Variants in FKBP5 observed in about 807,000 individuals in gnomAD.
FKBP5 encodes the protein FKBP prolyl isomerase 5.
FKBP5 carries 23 observed loss-of-function variants against 50.5 expected under a neutral mutation model. The observed-to-expected ratio is 0.46, with a 90% CI of 0.33 to 0.65. The LOEUF (loss-of-function observed/expected upper bound fraction) is 0.65, where lower values mean the gene tolerates loss of function less well. FKBP5 is among the 30% of genes least tolerant of loss of function. The probability of loss-of-function intolerance (pLI) is 0.02; values close to 1 mark genes in which losing one functional copy is unlikely to be tolerated. For synonymous variants in FKBP5, 176 were observed against 190.6 expected, an observed-to-expected ratio of 0.92 and a Z score of 0.63; for missense variants, 411 against 553.1, an observed-to-expected ratio of 0.74 and a Z score of 2.58.
rs1762721519 is a variant in FKBP5, at chr6:35,589,110, T to TTATATATATATATATTTTTA, written c.757-1994_757-1993insTAAAAATATATATATATATA. On this transcript the variant is annotated intron_variant, in intron 7 of 10. Coordinates refer to ENST00000357266, the MANE Select transcript of FKBP5 (RefSeq NM_004117.4). ...TATATTTTTATATATATATATATTTTTATATATATATATATATATTTTTTT... is the reference window on the plus strand; with the variant it reads ...TATATTTTTATATATATATATATTTTTATATATATATATATTTTTATATATATATATATATATATTTTTTT... 2.8e-4 allele frequency among the ~76,000 whole-genome samples: 29 copies of TTATATATATATATATTTTTA among 102,952 alleles called. No individual in the cohort carries two copies. In the South Asian group the frequency reaches 3.6e-3, roughly 13 times the overall value. 67.5% of individuals were successfully genotyped at this position (102,952 alleles called of 152,430 possible).
At chr6:35,627,725 A>T (rs979781010) in intron 3 of FKBP5, among the ~76,000 whole-genome samples, 6 of 152,008 alleles carry the variant, frequency 3.9e-5, no homozygotes, top group Non-Finnish European at 8.8e-5. Flanking sequence ...TGCAAAATCC[A>T]ATGTCATGAA....
intron 3 of FKBP5, among the ~76,000 whole-genome samples, chr6:35,622,244 C>T (rs757687763): frequency 3.3e-5 from 5 of 152,152 alleles, no homozygotes; most frequent in Non-Finnish European, 7.3e-5. Flanking sequence ...AATAGTGGCT[C>T]ATACCTCTCA....
chr6:35,620,454 C>T (rs74682753), intron 3 of FKBP5, among the ~76,000 whole-genome samples, 180 bp from the exon 4 acceptor site: 13,507 of 151,398 alleles, frequency 0.089, 1,317 homozygotes, highest in African/African-American at 0.25. Flanking sequence ...AAGGCTATCA[C>T]AAAAGATTCC....
chr6:35,640,961 C>G (rs1423525046), intron 2 of FKBP5, among the ~76,000 whole-genome samples: 1 of 152,004 alleles, frequency 6.6e-6, no homozygotes, highest in Non-Finnish European at 1.5e-5. Flanking sequence ...TCCTGAGGGA[C>G]CTGCCCAAGG....
At chr6:35,609,589 G>A (rs1009553538) in intron 5 of FKBP5, among the ~76,000 whole-genome samples, 1 of 152,074 alleles carries the variant, frequency 6.6e-6, no homozygotes, top group African/African-American at 2.4e-5. Context: ...TTTATTCCCT[G>A]TAGGAAATTT....
intron 3 of FKBP5, among the ~76,000 whole-genome samples, chr6:35,624,788 T>A (rs1561863701): frequency 2.0e-5 from 3 of 152,080 alleles, no homozygotes; most frequent in Non-Finnish European, 2.9e-5. Context: ...CTCCTAACAC[T>A]CTTACTGAGA....
At position 35,636,924 on chromosome 6, in the gene FKBP5, ACTTTT is replaced by A; in HGVS notation, c.250+85_250+89del. The stretch of plus-strand genomic sequence containing the variant: ...AGTACTACTACTCTAAAATTTCTTT[ACTTTT>A]AGAAAGGATAGAATCCTCTGCTCCT... On this transcript the variant is annotated intron_variant, in intron 3 of 10. Coordinates refer to ENST00000357266, the MANE Select transcript of FKBP5 (RefSeq NM_004117.4). The A allele has an allele frequency of 2.4e-6, 3 of 1,242,870 alleles. No individual in the cohort carries two copies. In the South Asian group the frequency reaches 5.5e-5, roughly 23 times the overall value. The allele number at this position is 1,242,870 out of a possible 1,614,324, so 77.0% of individuals were successfully genotyped here.
In FKBP5 at chr6:35,682,501, A is replaced by C. The variant is rs142232122; in HGVS notation, c.-20+6303T>G. Among the ~76,000 whole-genome samples the C allele has an allele frequency of 5.3e-3, 802 of 152,310 alleles. 6 individuals carry two copies. The highest frequency in any genetic ancestry group is 6.2e-3 in the Non-Finnish European group (421 of 68,026). On this transcript the variant is annotated intron_variant, in intron 1 of 10. Transcript: ENST00000357266. ...TACAAATCTAACTTTTGAAAAGATC[A>C]ATCTGAAATTTGCAACCCTGCTTTT... is the stretch of plus-strand genomic sequence containing the variant.
At chr6:35,671,270 A>G (rs1454672903) in intron 1 of FKBP5, among the ~76,000 whole-genome samples, 1 of 151,562 alleles carries the variant, frequency 6.6e-6, no homozygotes, top group Admixed American at 6.6e-5. Context: ...TCTCAAAAAA[A>G]AAAAAAAATA....
intron 3 of FKBP5, among the ~76,000 whole-genome samples, chr6:35,635,296 T>C (rs1764278130): frequency 1.3e-5 from 2 of 152,014 alleles, no homozygotes; most frequent in South Asian, 2.1e-4. Flanking sequence ...GAGATGGTGC[T>C]ACTACACTCC....
chr6:35,587,180 TG>T, intron 7 of FKBP5, 63 bp from the exon 8 acceptor site: 1 of 1,416,540 alleles, frequency 7.1e-7, no homozygotes, highest in Middle Eastern at 1.8e-4. Context: ...TGAGGCCTAT[TG>T]GAACAAAGAG....
rs1429898688 is a variant in FKBP5 at position 35,578,041 on chromosome 6, G to A, written c.1027-808C>T. Among the ~76,000 whole-genome samples, 4 of 126,126 alleles carry A rather than the reference G, an allele frequency of 3.2e-5. No individual in the cohort carries two copies. The South Asian group carries it at 7.9e-4, about 25-fold the overall frequency. 82.7% of individuals were successfully genotyped at this position (126,126 alleles called of 152,430 possible). A position where few individuals can be genotyped will look rare whatever the true frequency, so the allele number is the denominator to read the frequency against. On this transcript the variant is annotated intron_variant, in intron 9 of 10. Transcript: ENST00000357266. ...TGCACTCCAGGCTGGGTGACAGAGT[G>A]AGACTCTTGTCTCCAAAAAAAAAAA... is the stretch of plus-strand genomic sequence containing the variant.
At chr6:35,586,980 C>A in intron 8 of FKBP5, 54 bp downstream of exon 8, 1 of 1,612,386 alleles carries the variant, frequency 6.2e-7, no homozygotes, top group Non-Finnish European at 8.5e-7. Context: ...CACAATTCAC[C>A]AACACTTGAA....
chr6:35,632,519 T>C (rs1243586800), intron 3 of FKBP5, among the ~76,000 whole-genome samples: 2 of 151,874 alleles, frequency 1.3e-5, no homozygotes. Flanking sequence ...TATATACTTA[T>C]ATAATCATAT....
At chr6:35,593,354 G>A (rs1762879039) in intron 6 of FKBP5, among the ~76,000 whole-genome samples, 2 of 152,292 alleles carry the variant, frequency 1.3e-5, no homozygotes, top group South Asian at 4.1e-4. Context: ...GCCTTAATGT[G>A]CATATAAGAA....
intron 2 of FKBP5, among the ~76,000 whole-genome samples, chr6:35,698,036 T>C (rs1284883916): frequency 1.3e-5 from 2 of 152,224 alleles, no homozygotes; most frequent in East Asian, 3.8e-4. Flanking sequence ...TACTTGAGAC[T>C]AGGTAATTTA....
At chr6:35,591,078 G>T in intron 7 of FKBP5, 52 bp downstream of exon 7, 1 of 1,172,684 alleles carries the variant, frequency 8.5e-7, no homozygotes, top group South Asian at 1.3e-5. Context: ...TTTATAGGAA[G>T]TGGATGGAGA....
chr6:35,666,615 G>A (rs1765233058), intron 1 of FKBP5, among the ~76,000 whole-genome samples: 5 of 152,062 alleles, frequency 3.3e-5, no homozygotes, highest in Admixed American at 3.3e-4. Context: ...TGAAGGCTGG[G>A]CACGGTGGCT....
Position 35,668,324 on chromosome 6 carries a change from C to A in FKBP5, c.-20+20480G>T, listed in dbSNP as rs138503672. On this transcript the variant is annotated intron_variant, in intron 1 of 10. Transcript: ENST00000357266. ...CCTGCTTCTCCCTCTTAGGCTAGGC[C>A]CAGTGTCCATTTTTTGCCAGTCAGT... Among the ~76,000 whole-genome samples, 353 of 152,296 alleles carry A rather than the reference C, an allele frequency of 2.3e-3. 1 individual carries two copies. Among genetic ancestry groups the A allele is most frequent in the African/African-American group, 8.1e-3 (336 of 41,564 alleles).
Sources: gnomAD v4.1 joint callset for allele counts (sites outside exome capture counted in the v4.1 genomes callset) on GRCh38, gnomAD v4.1.1 for gene constraint, MANE v1.5 for transcripts, NCBI Gene and HGNC (gene_info 2026-07-23, HGNC 2026-07-21) for gene names.